Variants in VEPH1 observed in about 807,000 individuals in gnomAD.
The protein encoded by VEPH1 is ventricular zone expressed PH domain containing 1.
Under a neutral mutation model 85.2 loss-of-function variants are expected in VEPH1, and 80 were observed. That is an observed-to-expected ratio of 0.94 (90% CI 0.78 to 1.13). The LOEUF (loss-of-function observed/expected upper bound fraction) is 1.13. Among genes scored for constraint, VEPH1 ranks in the 50% most tolerant of loss-of-function variants. VEPH1 has a pLI of 0.00. For synonymous variants in VEPH1, 297 were observed against 348.0 expected (o/e 0.85, Z 1.63); for missense variants, 955 against 980.5 (o/e 0.97, Z 0.35).
intron 5 of VEPH1, among the ~76,000 whole-genome samples, chr3:157,418,951 C>A (rs1732124996): frequency 6.6e-6 from 1 of 152,076 alleles, no homozygotes; most frequent in African/African-American, 2.4e-5. Context: ...CTACAGTAAC[C>A]AAAACGGCAG....
intron 4 of VEPH1, among the ~76,000 whole-genome samples, chr3:157,455,534 C>T (rs542644091): frequency 6.6e-6 from 1 of 151,974 alleles, no homozygotes; most frequent in African/African-American, 2.4e-5. Flanking sequence ...GGTATTAAGC[C>T]CAGTACCTGT....
intron 2 of VEPH1, among the ~76,000 whole-genome samples, chr3:157,474,495 C>G (rs1737260132): frequency 6.6e-6 from 1 of 152,106 alleles, no homozygotes; most frequent in Non-Finnish European, 1.5e-5. Flanking sequence ...TGGTTGTTAA[C>G]TCTCTTTCTG....
At chr3:157,275,674 A>G (rs1405396581) in intron 12 of VEPH1, among the ~76,000 whole-genome samples, 3 of 152,190 alleles carry the variant, frequency 2.0e-5, no homozygotes. Context: ...TGAAATATAA[A>G]TTAACTCCAA....
intron 4 of VEPH1, among the ~76,000 whole-genome samples, chr3:157,446,788 C>T (rs774573680): frequency 8.5e-5 from 13 of 152,170 alleles, no homozygotes; most frequent in African/African-American, 3.1e-4. Flanking sequence ...ATCCTTGCAT[C>T]AAGTTTTATA....
chr3:157,383,934 A>C (rs1284813499), intron 6 of VEPH1, among the ~76,000 whole-genome samples: 1 of 152,088 alleles, frequency 6.6e-6, no homozygotes, highest in Non-Finnish European at 1.5e-5. Context: ...CAAAGTCTCC[A>C]TGTGTGAATT....
intron 2 of VEPH1, among the ~76,000 whole-genome samples, chr3:157,491,312 A>G (rs1407284930): frequency 1.3e-5 from 2 of 152,120 alleles, no homozygotes; most frequent in African/African-American, 4.8e-5. Context: ...GGTGAGCACC[A>G]ATGGAAAGGT....
chr3:157,467,745 C>A (rs904083531), intron 3 of VEPH1, among the ~76,000 whole-genome samples: 5 of 152,278 alleles, frequency 3.3e-5, no homozygotes, highest in Admixed American at 2.6e-4. Flanking sequence ...GCCCTACATG[C>A]TAGACTTACC....
At chr3:157,403,852 C>A (rs1730950169) in intron 6 of VEPH1, among the ~76,000 whole-genome samples, 1 of 152,234 alleles carries the variant, frequency 6.6e-6, no homozygotes, top group East Asian at 1.9e-4. Flanking sequence ...TAGACTCCCT[C>A]AGGTTCTATA....
intron 4 of VEPH1, among the ~76,000 whole-genome samples, chr3:157,455,766 T>A (rs9873474): frequency 0.22 from 32,858 of 152,212 alleles, 4,145 homozygotes; most frequent in South Asian, 0.35. Flanking sequence ...TTGCTCTTTT[T>A]TACGGCTGCA....
At chr3:157,276,472 A>T (rs1466484466) in intron 12 of VEPH1, among the ~76,000 whole-genome samples, 1 of 152,224 alleles carries the variant, frequency 6.6e-6, no homozygotes, top group Admixed American at 6.5e-5. Context: ...GGTGATTCTT[A>T]TGTTGCTCAA....
intron 9 of VEPH1, among the ~76,000 whole-genome samples, chr3:157,356,823 G>T (rs1030579802): frequency 2.0e-5 from 3 of 152,184 alleles, no homozygotes; most frequent in African/African-American, 7.2e-5. Flanking sequence ...TTGGTTTGTG[G>T]CAAACTGGAT....
chr3:157,388,914 G>A (rs1377802335), intron 6 of VEPH1, among the ~76,000 whole-genome samples: 1 of 152,034 alleles, frequency 6.6e-6, no homozygotes, highest in East Asian at 1.9e-4. Flanking sequence ...CGGGGGTTCT[G>A]GAACCAATTT....
At chr3:157,406,254 T>C (rs1292511481) in intron 6 of VEPH1, among the ~76,000 whole-genome samples, 1 of 152,156 alleles carries the variant, frequency 6.6e-6, no homozygotes, top group African/African-American at 2.4e-5. Flanking sequence ...TTATCATCCC[T>C]GGGGAAATTG....
chr3:157,437,530 G>A (rs776574922), intron 4 of VEPH1: 1 of 1,605,950 alleles, frequency 6.2e-7, no homozygotes, highest in Non-Finnish European at 8.5e-7. Context: ...GTGCGCCTGC[G>A]GTCAGGAGCA....
At chr3:157,360,920 T>TCTGCAGGAA (rs762378039) in intron 9 of VEPH1, among the ~76,000 whole-genome samples, 9 of 152,160 alleles carry the variant, frequency 5.9e-5, no homozygotes, top group Non-Finnish European at 1.2e-4. Flanking sequence ...TTGAGGTAAA[T>TCTGCAGGAA]CTGCAGGATT....
intron 4 of VEPH1, among the ~76,000 whole-genome samples, chr3:157,438,668 A>G (rs908313246): frequency 4.6e-5 from 7 of 152,160 alleles, no homozygotes; most frequent in African/African-American, 1.7e-4. Context: ...CAGGAGAGAG[A>G]CTGTTCAAAC....
chr3:157,440,100 T>C (rs749334967), intron 4 of VEPH1, among the ~76,000 whole-genome samples: 10 of 152,200 alleles, frequency 6.6e-5, no homozygotes, highest in Non-Finnish European at 1.3e-4. Context: ...GTGATTTTTT[T>C]CAGTGATTTT....
intron 7 of VEPH1, among the ~76,000 whole-genome samples, chr3:157,380,842 G>A (rs578019911): frequency 2.8e-4 from 42 of 152,258 alleles, no homozygotes; most frequent in African/African-American, 9.1e-4. Flanking sequence ...AGCTATGTTT[G>A]ACTATTCAGT....
chr3:157,459,335 G>A (rs765010599), intron 4 of VEPH1, among the ~76,000 whole-genome samples: 3 of 152,192 alleles, frequency 2.0e-5, no homozygotes, highest in Admixed American at 6.5e-5. Flanking sequence ...GATTGGTCTG[G>A]ATACCTTGGG....
Sources: allele counts gnomAD v4.1 joint callset (sites outside exome capture counted in the v4.1 genomes callset), GRCh38; gene constraint gnomAD v4.1.1; transcripts MANE v1.5; gene names NCBI Gene and HGNC (gene_info 2026-07-23, HGNC 2026-07-21).